Variants in TPRG1 observed in about 807,000 individuals in gnomAD.
The protein encoded by TPRG1 is tumor protein p63 regulated 1, also known as tumor protein p63-regulated gene 1 protein.
Under a neutral mutation model 29.3 loss-of-function variants are expected in TPRG1, and 29 were observed. That is an observed-to-expected ratio of 0.99 (90% CI 0.74 to 1.35). The LOEUF (loss-of-function observed/expected upper bound fraction) is 1.35, where lower values mean the gene tolerates loss of function less well. TPRG1 is among the 40% of genes most tolerant of loss of function. TPRG1 has a pLI of 0.00. For synonymous variants in TPRG1, 130 were observed against 116.8 expected, an observed-to-expected ratio of 1.11 and a Z score of -0.73; for missense variants, 327 against 335.0, an observed-to-expected ratio of 0.98 and a Z score of 0.19.
chr3:189,172,805 G>T (rs770048967), intron 1 of TPRG1, among the ~76,000 whole-genome samples: 1 of 152,146 alleles, frequency 6.6e-6, no homozygotes, highest in Non-Finnish European at 1.5e-5. Context: ...ACTACTTGGC[G>T]CCTGAGACAT....
chr3:189,092,462 A>G (rs1040406351), intron 4 of TPRG1, among the ~76,000 whole-genome samples: 12 of 114,316 alleles, frequency 1.0e-4, no homozygotes, highest in African/African-American at 3.4e-4. Flanking sequence ...TTTTTTTGGT[A>G]TCTTCTATTA....
chr3:189,128,585 G>A (rs894371298), intron 2 of TPRG1, among the ~76,000 whole-genome samples: 2 of 151,942 alleles, frequency 1.3e-5, no homozygotes, highest in East Asian at 3.9e-4. Flanking sequence ...TTTTTATAAG[G>A]GTTTATAATT....
chr3:189,143,929 G>T (rs564604124), intron 3 of TPRG1, among the ~76,000 whole-genome samples: 31 of 151,968 alleles, frequency 2.0e-4, no homozygotes, highest in Non-Finnish European at 3.8e-4. Context: ...AATCATTTCC[G>T]GTGAAACTCC....
chr3:189,155,558 A>T (rs1173923355), intron 5 of TPRG1, among the ~76,000 whole-genome samples: 1 of 152,136 alleles, frequency 6.6e-6, no homozygotes. Context: ...TATTCATAGA[A>T]GTCAGGTATG....
At chr3:189,297,201 G>C (rs554856396) in intron 4 of TPRG1, among the ~76,000 whole-genome samples, 4 of 151,816 alleles carry the variant, frequency 2.6e-5, no homozygotes, top group African/African-American at 9.7e-5. Flanking sequence ...AGCTGGTCTC[G>C]AACTCCTGAC....
chr3:189,206,050 T>TCCTTCCTTCCTTCCTTC (rs750321003), intron 1 of TPRG1, among the ~76,000 whole-genome samples: 1 of 147,774 alleles, frequency 6.8e-6, no homozygotes, highest in Non-Finnish European at 1.5e-5. Flanking sequence ...CTTCCTTTCT[T>TCCTTCCTTCCTTCCTTC]CTGTCTTTCT....
intron 1 of TPRG1, among the ~76,000 whole-genome samples, chr3:189,202,901 G>A (rs1157069930): frequency 6.6e-6 from 1 of 152,152 alleles, no homozygotes; most frequent in East Asian, 1.9e-4. Flanking sequence ...CAGTGCATGA[G>A]TTTGATGGCC....
chr3:189,120,552 A>G (rs1721713979), intron 1 of TPRG1, among the ~76,000 whole-genome samples: 1 of 152,244 alleles, frequency 6.6e-6, no homozygotes, highest in Non-Finnish European at 1.5e-5. Context: ...AAAAATGCTT[A>G]TAATAATGTG....
intron 4 of TPRG1, among the ~76,000 whole-genome samples, chr3:189,260,127 G>A (rs1470526455): frequency 6.6e-6 from 1 of 152,128 alleles, no homozygotes; most frequent in African/African-American, 2.4e-5. Flanking sequence ...AACAATCCAT[G>A]CGTCGGTCTT....
intron 3 of TPRG1, among the ~76,000 whole-genome samples, chr3:189,144,859 G>A (rs1380975945): frequency 6.6e-6 from 1 of 152,208 alleles, no homozygotes; most frequent in African/African-American, 2.4e-5. Context: ...CTCTTGTGAC[G>A]TGATTGCACA....
chr3:189,085,927 G>A (rs1008803409), intron 4 of TPRG1, among the ~76,000 whole-genome samples: 1 of 152,106 alleles, frequency 6.6e-6, no homozygotes. Flanking sequence ...TCTCTAGAGG[G>A]ACAGGACTAA....
At position 189,281,748 on chromosome 3, in the gene TPRG1, G is replaced by A. The variant is rs535513768; in HGVS notation, c.480-28638G>A. ...TTGAGTTAGTAAATTTGTCCTCAAT[G>A]ACTTTACCTTTCTGGTTTGACATGT... On this transcript the variant is annotated intron_variant, in intron 4 of 5. Transcript: ENST00000345063. Among the ~76,000 whole-genome samples, 7 of 152,218 alleles carry A rather than the reference G, an allele frequency of 4.6e-5. No individual in the cohort carries two copies. In the South Asian group the frequency reaches 1.2e-3, roughly 27 times the overall value.
intron 4 of TPRG1, among the ~76,000 whole-genome samples, chr3:189,291,803 A>C (rs1576980967): frequency 6.6e-6 from 1 of 152,218 alleles, no homozygotes; most frequent in African/African-American, 2.4e-5. Context: ...AAGCAGGGCA[A>C]CACTGACACA....
upstream of TPRG1, among the ~76,000 whole-genome samples, chr3:189,099,525 C>G (rs1007366636): frequency 3.3e-5 from 5 of 151,984 alleles, no homozygotes; most frequent in African/African-American, 9.7e-5. Flanking sequence ...GGAAGCATAC[C>G]CCCAGATTTG....
At chr3:189,120,690 A>C (rs1721728952) in intron 1 of TPRG1, among the ~76,000 whole-genome samples, 1 of 152,256 alleles carries the variant, frequency 6.6e-6, no homozygotes, top group African/African-American at 2.4e-5. Flanking sequence ...TAATCCTAAA[A>C]GATGACTGAG....
chr3:189,285,774 AT>A lies in TPRG1; in HGVS notation c.480-24610del, dbSNP rs376795669. Reference sequence around the variant, plus strand: ...CCTACAACTCGAATTGTCCAGTTGTATTCAAACTCAAGTCTCCTGACTCCAA... The same window carrying A: ...CCTACAACTCGAATTGTCCAGTTGTATCAAACTCAAGTCTCCTGACTCCAA... On this transcript the variant is annotated intron_variant, in intron 4 of 5. Coordinates refer to ENST00000345063, the MANE Select transcript of TPRG1 (RefSeq NM_198485.4). Among the ~76,000 whole-genome samples, 78 of 152,330 alleles carry A rather than the reference AT, an allele frequency of 5.1e-4. 1 individual carries two copies. The South Asian group carries it at 0.016, about 30-fold the overall frequency.
At chr3:189,261,090 A>G (rs1028780724) in intron 4 of TPRG1, among the ~76,000 whole-genome samples, 20 of 152,156 alleles carry the variant, frequency 1.3e-4, no homozygotes, top group African/African-American at 4.8e-4. Context: ...TGCTCCAGCA[A>G]CATCTCCTGT....
chr3:189,210,164 A>G (rs1288288755), intron 2 of TPRG1, among the ~76,000 whole-genome samples: 1 of 152,170 alleles, frequency 6.6e-6, no homozygotes, highest in Admixed American at 6.5e-5. Flanking sequence ...ATATGCATAT[A>G]TTTCCTCATC....
Position 189,151,837 on chromosome 3 carries a change from C to T in TPRG1, c.-10+965C>T, listed in dbSNP as rs182580614. 1.3e-4 allele frequency among the ~76,000 whole-genome samples: 20 copies of T among 152,142 alleles called. No homozygotes were observed. In the East Asian group the frequency reaches 1.9e-3, roughly 15 times the overall value. On this transcript the variant is annotated intron_variant, in intron 5 of 6. Coordinates refer to the TPRG1 transcript ENST00000412373. ...CAGAGGTTGCAGTGAGCCAAGATCA[C>T]GCCATTGCACTCCATCCTGGGCGAG...
Sources: gnomAD v4.1 joint callset for allele counts (sites outside exome capture counted in the v4.1 genomes callset) on GRCh38, gnomAD v4.1.1 for gene constraint, MANE v1.5 for transcripts, NCBI Gene and HGNC (gene_info 2026-07-23, HGNC 2026-07-21) for gene names.